PRPSAP1: variants seen among roughly 807,000 people sequenced by gnomAD.
PRPSAP1 encodes the protein phosphoribosyl pyrophosphate synthetase associated protein 1.
PRPSAP1 carries 31 observed loss-of-function variants against 39.4 expected under a neutral mutation model. The observed-to-expected ratio is 0.79, with a 90% confidence interval of 0.59 to 1.06. The LOEUF is 1.06. Ranked by LOEUF, PRPSAP1 falls within the 50% of genes least tolerant of loss-of-function variation. The pLI, the probability that PRPSAP1 is intolerant of heterozygous loss-of-function variation, is 0.00. For missense variants in PRPSAP1, 430 were observed against 511.6 expected, an observed-to-expected ratio of 0.84 and a Z score of 1.54; for synonymous variants, 212 against 192.6, an observed-to-expected ratio of 1.10 and a Z score of -0.83.
intron 7 of PRPSAP1, among the ~76,000 whole-genome samples, chr17:76,316,903 C>T (rs1019151824): frequency 6.6e-6 from 1 of 152,220 alleles, no homozygotes; most frequent in African/African-American, 2.4e-5. Context: ...AGCACCTGCA[C>T]ACATGTGCAC....
chr17:76,345,811 C>T (rs1163909144), intron 2 of PRPSAP1: 1 of 353,154 alleles, frequency 2.8e-6, no homozygotes, highest in Non-Finnish European at 5.5e-6. Flanking sequence ...CTCCCAGTGC[C>T]TACGTCCGGC....
At chr17:76,343,718 C>T (rs935750083) in intron 3 of PRPSAP1, among the ~76,000 whole-genome samples, 6 of 151,996 alleles carry the variant, frequency 3.9e-5, no homozygotes, top group Non-Finnish European at 8.8e-5. Context: ...ACCTGTAATC[C>T]CACCTACTAG....
At chr17:76,332,594 T>C (rs2071334516) in intron 3 of PRPSAP1, among the ~76,000 whole-genome samples, 159 bp from the exon 4 acceptor site, 1 of 152,204 alleles carries the variant, frequency 6.6e-6, no homozygotes. Context: ...CAGGGGAAGC[T>C]TTCTGACTTT....
chr17:76,329,074 AT>A (rs147960025), intron 6 of PRPSAP1: 45,104 of 357,284 alleles, frequency 0.13, no homozygotes, highest in East Asian at 0.17. Flanking sequence ...GATTCTAGAC[AT>A]TTTTTTTTTT....
At chr17:76,338,750 T>C (rs1207646296) in intron 3 of PRPSAP1, among the ~76,000 whole-genome samples, 1 of 149,004 alleles carries the variant, frequency 6.7e-6, no homozygotes. Flanking sequence ...AATAAAAAAT[T>C]AGGCCAGGCA....
intron 3 of PRPSAP1, among the ~76,000 whole-genome samples, chr17:76,340,602 C>T (rs981720960): frequency 6.7e-6 from 1 of 150,240 alleles, no homozygotes. Flanking sequence ...TTGAAATAAC[C>T]ATGAACGGCC....
At chr17:76,323,627 C>T (rs546823432) in intron 7 of PRPSAP1, among the ~76,000 whole-genome samples, 2 of 152,028 alleles carry the variant, frequency 1.3e-5, no homozygotes, top group African/African-American at 4.8e-5. Context: ...AGAACTGGAA[C>T]CTGAAGCTGT....
chr17:76,348,300 C>A (rs985348593), intron 2 of PRPSAP1, among the ~76,000 whole-genome samples: 1 of 151,886 alleles, frequency 6.6e-6, no homozygotes. Context: ...GGGTGAAACC[C>A]CATCTCTACT....
intron 7 of PRPSAP1, among the ~76,000 whole-genome samples, chr17:76,326,291 A>G (rs903848683): frequency 1.8e-4 from 28 of 152,348 alleles, no homozygotes; most frequent in African/African-American, 6.7e-4. Context: ...AATCACAGTC[A>G]ATAATTGATT....
intron 1 of PRPSAP1, chr17:76,353,254 C>T (rs2071599512): frequency 2.4e-6 from 1 of 413,210 alleles, no homozygotes; most frequent in Non-Finnish European, 4.3e-6. Flanking sequence ...TCGGCCCGCC[C>T]CGGGGTGTGG....
rs749055858 is a variant in PRPSAP1, at chr17:76,312,866, T to C, written c.999+4A>G. On this transcript the variant is annotated splice_donor_region_variant and intron_variant, in intron 9 of 9. Coordinates refer to ENST00000446526, the MANE Select transcript of PRPSAP1 (RefSeq NM_002766.3). The stretch of plus-strand genomic sequence containing the variant: ...CTTGGCTCAAGATTTAGAAGCAGCC[T>C]GACCTCGTCTACGGAGGACTCCTCA... The C allele has an allele frequency of 9.4e-6, 15 of 1,603,880 alleles. No homozygotes were observed. The highest frequency in any genetic ancestry group is 5.3e-5 in the Admixed American group (3 of 56,350).
chr17:76,337,591 C>G (rs1028345305), intron 3 of PRPSAP1, among the ~76,000 whole-genome samples: 1 of 152,088 alleles, frequency 6.6e-6, no homozygotes, highest in African/African-American at 2.4e-5. Context: ...TCATCTGCAG[C>G]AGCTGGGAAT....
At chr17:76,352,223 G>T (rs1322131998) in intron 1 of PRPSAP1, among the ~76,000 whole-genome samples, 1 of 145,426 alleles carries the variant, frequency 6.9e-6, no homozygotes, top group Non-Finnish European at 1.5e-5. Context: ...ATGTGAAAAT[G>T]GCTTTAAATA....
rs1220442699 is a variant in PRPSAP1 at position 76,309,844 on chromosome 17, T to TA, written c.*1697dup. The TA allele has an allele frequency of 6.6e-6, 1 of 152,242 alleles. No homozygotes were observed. Among genetic ancestry groups the TA allele is most frequent in the Non-Finnish European group, 1.5e-5 (1 of 68,050 alleles). 9.4% of individuals were successfully genotyped at this position (152,242 alleles called of 1,614,324 possible). On this transcript the variant is annotated 3_prime_UTR_variant, in exon 10 of 10. Transcript: ENST00000446526. The stretch of plus-strand genomic sequence containing the variant: ...ATTGTAAGGAATAACTGTACTATTT[T>TA]AACTACTGTTCAAGTTCAGATTTTT...
chr17:76,330,730 A>C lies in PRPSAP1; in HGVS notation c.464-64T>G, dbSNP rs948191201. 2.4e-5 allele frequency: 24 copies of C among 995,942 alleles called. No individual in the cohort carries two copies. In the East Asian group the frequency reaches 3.3e-4, roughly 14 times the overall value. The allele number at this position is 995,942 out of a possible 1,614,324, so 61.7% of individuals were successfully genotyped here. A position where few individuals can be genotyped will look rare whatever the true frequency, so the allele number is the denominator to read the frequency against. ...ACAGGTAAATGGCTACAGTGGACCT[A>C]AACTAGATGCTCAACTCCTGCTTCC... On this transcript the variant is annotated intron_variant, in intron 4 of 9. Coordinates refer to ENST00000446526, the MANE Select transcript of PRPSAP1 (RefSeq NM_002766.3).
At position 76,340,777 on chromosome 17, in the gene PRPSAP1, C is replaced by G. The variant is rs572007800; in HGVS notation, c.290+3894G>C. The stretch of plus-strand genomic sequence containing the variant: ...TAGTGGCACATGCCTGTAGTCCCAG[C>G]TACTCGGGAGGCTGAGGCAGGAGAA... On this transcript the variant is annotated intron_variant, in intron 3 of 9. Transcript: ENST00000446526. Among the ~76,000 whole-genome samples the G allele has an allele frequency of 2.4e-3, 372 of 152,000 alleles. 3 individuals are homozygous for G. The highest frequency in any genetic ancestry group is 4.4e-3 in the Non-Finnish European group (300 of 67,982).
At chr17:76,315,584 T>C (rs895316176) in intron 7 of PRPSAP1, among the ~76,000 whole-genome samples, 2 of 149,312 alleles carry the variant, frequency 1.3e-5, no homozygotes, top group African/African-American at 4.9e-5. Context: ...GCTTTGCATA[T>C]AAAATCACTT....
chr17:76,325,343 A>G (rs1391573613), intron 7 of PRPSAP1, among the ~76,000 whole-genome samples: 1 of 118,760 alleles, frequency 8.4e-6, no homozygotes, highest in Non-Finnish European at 1.6e-5. Flanking sequence ...CGGGAGGCGG[A>G]GCTTGCAGTG....
chr17:76,346,250 G>A (rs921152940), intron 2 of PRPSAP1, among the ~76,000 whole-genome samples: 4 of 152,192 alleles, frequency 2.6e-5, no homozygotes, highest in African/African-American at 4.8e-5. Flanking sequence ...CTGGGGAAAG[G>A]AGCATATGTC....
Sources: allele counts gnomAD v4.1 joint callset (sites outside exome capture counted in the v4.1 genomes callset), GRCh38; gene constraint gnomAD v4.1.1; transcripts MANE v1.5; gene names NCBI Gene and HGNC (gene_info 2026-07-23, HGNC 2026-07-21).